The following TBC1D32 variants were observed in gnomAD, a reference collection of about 807,000 sequenced individuals.
TBC1D32 encodes the protein TBC1 domain family member 32, also known as protein broad-minded.
A neutral mutation model predicts 170.3 loss-of-function variants in TBC1D32; 151 were observed. The observed-to-expected ratio is 0.89, with a 90% confidence interval of 0.78 to 1.01. The LOEUF (loss-of-function observed/expected upper bound fraction) is 1.01, where lower values mean the gene tolerates loss of function less well. Among genes scored for constraint, TBC1D32 ranks in the 50% least tolerant of loss-of-function variants. The pLI, the probability that TBC1D32 is intolerant of heterozygous loss-of-function variation, is 0.00. For synonymous variants in TBC1D32, 498 were observed against 488.0 expected, an observed-to-expected ratio of 1.02 and a Z score of -0.27; for missense variants, 1,464 against 1,457.1, an observed-to-expected ratio of 1.00 and a Z score of -0.08.
chr6:121,089,743 AT>A (rs1776613284), intron 31 of TBC1D32, among the ~76,000 whole-genome samples: 1 of 152,170 alleles, frequency 6.6e-6, no homozygotes, highest in African/African-American at 2.4e-5. Flanking sequence ...TTAAAGAAAA[AT>A]ATCGTTAAAT....
rs1483721948 is a variant in TBC1D32, at chr6:121,281,565, G to C, written c.1587C>G (p.His529Gln). ...IVIETLLQPI[H>Q]NLMKGNEASP... is the part of the protein sequence containing the mutation. ...GAACCTCATTTCCTTTCATTAAATTGTGAATAGGCTGAAGAAGTGTCTCTA... is the reference window on the plus strand; with the variant it reads ...GAACCTCATTTCCTTTCATTAAATTCTGAATAGGCTGAAGAAGTGTCTCTA... Residue 529 changes from histidine to glutamine, a missense_variant, in exon 14 of 32, where the codon CAC (histidine) becomes CAG (glutamine). Around this residue, in one of 3 missense-constraint regions of TBC1D32, gnomAD observed 1,363 missense variants for 1,338.1 expected, o/e 1.02. Transcript: ENST00000398212. The C allele has an allele frequency of 6.2e-7, 1 of 1,604,964 alleles. No individual in the cohort carries two copies. The highest frequency in any genetic ancestry group is 8.5e-7 in the Non-Finnish European group (1 of 1,175,348).
rs778103033 is a variant in TBC1D32 at position 121,321,774 on chromosome 6, A to G, written c.176T>C (p.Leu59Pro). 6.2e-7 allele frequency: 1 copy of G among 1,610,976 alleles called. No individual in the cohort carries two copies. ...CAAAGTGTTGCCTATATGCTGCCTG[A>G]GGTATTTCACAAATTCATAGCTGAA... is the stretch of plus-strand genomic sequence containing the variant. ...NFHNYEFVKY[L>P]RQHIGNTLGS... Residue 59 changes from leucine (L) to proline (P), a missense_variant, in exon 2 of 32, where the codon CTC becomes CCC. Leu to Pro is a moderately conservative substitution (Grantham distance 98). This residue lies in a region of TBC1D32 where 1,363 missense variants were observed against 1,338.1 expected (regional missense o/e 1.02). Coordinates refer to ENST00000398212, the MANE Select transcript of TBC1D32 (RefSeq NM_152730.6).
upstream of TBC1D32, chr6:121,334,547 A>T: frequency 7.8e-7 from 1 of 1,288,168 alleles, no homozygotes; most frequent in Non-Finnish European, 1.1e-6. Context: ...GTTCCCAGGG[A>T]TACCGCGGCG....
At chr6:121,308,686 C>CTTTT (rs67847088) in intron 4 of TBC1D32, among the ~76,000 whole-genome samples, 15,605 of 110,648 alleles carry the variant, frequency 0.14, 2,882 homozygotes, top group African/African-American at 0.41. Flanking sequence ...AAGCTTACTT[C>CTTTT]TTTTTTTTTT....
chr6:121,156,792 G>C lies in TBC1D32; in HGVS notation c.2773+3218C>G, dbSNP rs188917942. Among the ~76,000 whole-genome samples, 4 of 152,216 alleles carry C rather than the reference G, an allele frequency of 2.6e-5. No homozygotes were observed. In the East Asian group the frequency reaches 7.7e-4, roughly 29 times the overall value. ...TTCACTCAAGGGTTATAAAGAGCTAGTTGTTTAATTTCCATGTTTTTGTGT... is the reference window on the plus strand; with the variant it reads ...TTCACTCAAGGGTTATAAAGAGCTACTTGTTTAATTTCCATGTTTTTGTGT... On this transcript the variant is annotated intron_variant, in intron 24 of 31. Coordinates refer to ENST00000398212, the MANE Select transcript of TBC1D32 (RefSeq NM_152730.6).
At chr6:121,241,959 C>T (rs1003676483) in intron 18 of TBC1D32, among the ~76,000 whole-genome samples, 3 of 152,012 alleles carry the variant, frequency 2.0e-5, no homozygotes, top group African/African-American at 2.4e-5. Context: ...ATAAAACATA[C>T]GATAATTAAC....
intron 15 of TBC1D32, among the ~76,000 whole-genome samples, chr6:121,266,603 A>G (rs1800518351): frequency 6.6e-6 from 1 of 152,208 alleles, no homozygotes; most frequent in South Asian, 2.1e-4. Context: ...TTATAAAGAT[A>G]CATGGACATG....
At chr6:121,095,439 G>C (rs1444202184) in intron 30 of TBC1D32, among the ~76,000 whole-genome samples, 1 of 152,082 alleles carries the variant, frequency 6.6e-6, no homozygotes, top group Admixed American at 6.6e-5. Flanking sequence ...TCTCTTGCCT[G>C]ATTGCCCTGG....
chr6:121,327,481 A>G (rs771963956), intron 1 of TBC1D32, among the ~76,000 whole-genome samples: 1 of 152,188 alleles, frequency 6.6e-6, no homozygotes, highest in Non-Finnish European at 1.5e-5. Context: ...ATCTGGAGAT[A>G]TAATATATTC....
chr6:121,080,926 A>G (rs2128164925), intron 31 of TBC1D32, 36 bp from the exon 32 acceptor site: 1 of 1,598,904 alleles, frequency 6.3e-7, no homozygotes, highest in Non-Finnish European at 8.5e-7. Flanking sequence ...TATTTACTTG[A>G]GTAAGACACA....
At chr6:121,092,958 C>A (rs1031951234) in intron 30 of TBC1D32, among the ~76,000 whole-genome samples, 6 of 152,024 alleles carry the variant, frequency 3.9e-5, no homozygotes, top group African/African-American at 1.4e-4. Context: ...AATTATTAAC[C>A]TTTAAATAAG....
chr6:121,299,034 A>G (rs1360022022), intron 10 of TBC1D32, among the ~76,000 whole-genome samples: 4 of 152,080 alleles, frequency 2.6e-5, no homozygotes, highest in African/African-American at 7.2e-5. Flanking sequence ...ACTCAAACCA[A>G]TTATTGAAAA....
In TBC1D32 at chr6:121,224,126, G is replaced by A. The variant is rs749412033; in HGVS notation, c.2365-774C>T. ...TCCTAGTATTCCTCAGCATGAAGTC[G>A]TCACTTCAGTCAATCAAATCTGCCT... On this transcript the variant is annotated intron_variant, in intron 20 of 31. Transcript: ENST00000398212. Among the ~76,000 whole-genome samples the A allele has an allele frequency of 9.2e-5, 14 of 151,942 alleles. No individual in the cohort carries two copies. The South Asian group carries it at 1.3e-3, about 14-fold the overall frequency.
chr6:121,172,941 A>G (rs570365945), intron 22 of TBC1D32, among the ~76,000 whole-genome samples: 1 of 152,090 alleles, frequency 6.6e-6, no homozygotes, highest in Non-Finnish European at 1.5e-5. Context: ...ATTACATATG[A>G]TTTCAGATGT....
intron 22 of TBC1D32, among the ~76,000 whole-genome samples, chr6:121,189,268 T>G (rs987877759): frequency 6.6e-6 from 1 of 151,922 alleles, no homozygotes; most frequent in African/African-American, 2.4e-5. Context: ...CACAGCATAC[T>G]CAATCAGAAC....
chr6:121,089,978 G>A (rs1056525941), intron 31 of TBC1D32, among the ~76,000 whole-genome samples: 2 of 150,322 alleles, frequency 1.3e-5, no homozygotes, highest in Admixed American at 1.3e-4. Flanking sequence ...CTGTCCCCCA[G>A]GCTGGAGTGC....
intron 21 of TBC1D32, among the ~76,000 whole-genome samples, chr6:121,222,551 G>C (rs1303395715): frequency 1.4e-5 from 2 of 145,934 alleles, no homozygotes; most frequent in African/African-American, 4.9e-5. Flanking sequence ...AGGTTTAAAG[G>C]TATTCAAAAG....
intron 15 of TBC1D32, 62 bp from the exon 16 acceptor site, chr6:121,256,347 A>C (rs1583426019): frequency 1.4e-6 from 2 of 1,420,172 alleles, no homozygotes; most frequent in East Asian, 4.6e-5. Context: ...ATAAAGCTCT[A>C]CCAAAAAGGC....
Position 121,160,044 on chromosome 6 carries a change from C to G in TBC1D32, c.2739G>C (p.Leu913=), listed in dbSNP as rs1387758146. The change falls in exon 24 of 32, where the codon CTG becomes CTC. Residue 913 remains leucine (L), a synonymous_variant. Transcript: ENST00000398212. ...TACCAGCATTTCTTGTAATGTCTGA[C>G]AGATAGCAGTTTGGCAATGGATATG... ...FSSYPLPNCY[L]SDITRNAGIK... The G allele has an allele frequency of 1.1e-5, 18 of 1,608,058 alleles. No individual in the cohort carries two copies. The highest frequency in any genetic ancestry group is 2.7e-5 in the African/African-American group (2 of 74,746).
Sources: allele counts gnomAD v4.1 joint callset (sites outside exome capture counted in the v4.1 genomes callset), GRCh38; gene constraint gnomAD v4.1.1; regional missense constraint gnomAD v4.1.1; transcripts MANE v1.5; gene names NCBI Gene and HGNC (gene_info 2026-07-23, HGNC 2026-07-21).